Variants in BTD observed in about 807,000 individuals in gnomAD.
BTD encodes the protein biocytinase.
A neutral mutation model predicts 17.7 loss-of-function variants in BTD; 13 were observed. The ratio of observed to expected loss-of-function variants is 0.74; its 90% CI spans 0.48 to 1.17. The LOEUF (loss-of-function observed/expected upper bound fraction) is 1.17, where lower values mean the gene tolerates loss of function less well. BTD is among the 50% of genes most tolerant of loss of function. The pLI is 0.00. For synonymous variants in BTD, 240 were observed against 245.2 expected, an observed-to-expected ratio of 0.98 and a Z score of 0.20; for missense variants, 674 against 650.4, an observed-to-expected ratio of 1.04 and a Z score of -0.39.
chr3:15,670,883 G>A (rs765726443), intron 3 of BTD, among the ~76,000 whole-genome samples: 4 of 152,102 alleles, frequency 2.6e-5, no homozygotes, highest in Non-Finnish European at 4.4e-5. Context: ...ACCACATATC[G>A]TGAATATTCT....
intron 3 of BTD, among the ~76,000 whole-genome samples, chr3:15,667,053 G>T (rs1364781177): frequency 2.0e-5 from 3 of 152,138 alleles, no homozygotes; most frequent in Non-Finnish European, 2.9e-5. Context: ...CAAGTATACA[G>T]CAGGCAAGCA....
At chr3:15,601,668 G>T (rs2279841), upstream of BTD, 1 of 1,553,634 alleles carries the variant, frequency 6.4e-7, no homozygotes, top group African/African-American at 1.4e-5. Flanking sequence ...AAACACGCGC[G>T]TTCTCCAATC....
intron 3 of BTD, among the ~76,000 whole-genome samples, chr3:15,680,378 C>T (rs2067416091): frequency 1.3e-5 from 2 of 151,668 alleles, no homozygotes; most frequent in African/African-American, 2.4e-5. Context: ...TAGCTTTTTT[C>T]GTATTTTTAG....
rs117224659 is a variant in BTD, at chr3:15,674,977, T to C, written c.399+32920T>C. On this transcript the variant is annotated intron_variant, in intron 3 of 3. Transcript: ENST00000672141. ...TGACTATACGGAAATTAAGAGAGAA[T>C]GGAAGAATGAGGCTGGACGCTGTGG... is the stretch of plus-strand genomic sequence containing the variant. Among the ~76,000 whole-genome samples, 616 of 151,958 alleles carry C rather than the reference T, an allele frequency of 4.1e-3. 1 individual carries two copies. Among genetic ancestry groups the C allele is most frequent in the East Asian group, 0.023 (117 of 5,170 alleles).
intron 1 of BTD, among the ~76,000 whole-genome samples, chr3:15,619,262 T>G (rs773929266): frequency 6.6e-6 from 1 of 152,238 alleles, no homozygotes; most frequent in Non-Finnish European, 1.5e-5. Flanking sequence ...GGTATTGTAC[T>G]TCGTCAAATA....
intron 1 of BTD, among the ~76,000 whole-genome samples, chr3:15,626,630 A>T (rs149199310): frequency 1.0e-3 from 153 of 152,232 alleles, no homozygotes; most frequent in Non-Finnish European, 1.6e-3. Flanking sequence ...TTAAAAAATT[A>T]GTCACACATG....
At chr3:15,713,737 A>C (rs1057106964), downstream of BTD, 3 of 645,926 alleles carry the variant, frequency 4.6e-6, no homozygotes, top group Non-Finnish European at 7.6e-6. Flanking sequence ...TCACATACAA[A>C]CTAATAGATA....
Position 15,645,149 on chromosome 3 carries a change from C to T in BTD, c.1233C>T (p.Pro411=). Residue 411 remains proline (P), a synonymous_variant, in exon 4 of 4, where the codon CCC becomes CCT. Transcript: ENST00000643237. Reference sequence around the variant, plus strand: ...GCTGTTATTTACTTTACGAGAGGCCCACCTTATCCAAAGAGCTGTATGCCC... The same window carrying T: ...GCTGTTATTTACTTTACGAGAGGCCTACCTTATCCAAAGAGCTGTATGCCC... ...GLCCYLLYER[P]TLSKELYALG... 2 of 1,614,156 alleles carry T rather than the reference C, an allele frequency of 1.2e-6. No individual in the cohort carries two copies. The highest frequency in any genetic ancestry group is 1.7e-6 in the Non-Finnish European group (2 of 1,180,022).
chr3:15,602,003 G>A, intron 1 of BTD, 109 bp downstream of exon 1: 1 of 1,534,050 alleles, frequency 6.5e-7, no homozygotes, highest in East Asian at 2.3e-5. Flanking sequence ...AAAGGCTGCC[G>A]GGAGCTGGGA....
chr3:15,616,701 G>A, intron 1 of BTD, among the ~76,000 whole-genome samples: 1 of 152,094 alleles, frequency 6.6e-6, no homozygotes, highest in Admixed American at 6.6e-5. Flanking sequence ...TATTCTAATA[G>A]GTGCATAGTG....
intron 4 of BTD, among the ~76,000 whole-genome samples, chr3:15,718,287 A>AG (rs2073305725): frequency 6.6e-6 from 1 of 152,230 alleles, no homozygotes; most frequent in Admixed American, 6.5e-5. Flanking sequence ...GGTGAAGTTA[A>AG]GATGACTTTC....
intron 3 of BTD, among the ~76,000 whole-genome samples, chr3:15,661,284 AAAAAAAAAAG>A (rs2065921089): frequency 8.5e-6 from 1 of 118,124 alleles, no homozygotes. Flanking sequence ...AAAAAAAAAA[AAAAAAAAAAG>A]AAAAAGAAAA....
At chr3:15,673,702 G>A (rs940304310) in intron 3 of BTD, among the ~76,000 whole-genome samples, 11 of 152,266 alleles carry the variant, frequency 7.2e-5, no homozygotes, top group African/African-American at 1.7e-4. Flanking sequence ...AACAGGTGAC[G>A]AATTTAGTCA....
At chr3:15,708,258 G>A (rs896189843) in intron 3 of BTD, among the ~76,000 whole-genome samples, 1 of 152,178 alleles carries the variant, frequency 6.6e-6, no homozygotes, top group East Asian at 1.9e-4. Flanking sequence ...GAACCTTTAA[G>A]TATATGAAAT....
At chr3:15,676,733 G>T (rs1159020943) in intron 3 of BTD, 6 of 345,450 alleles carry the variant, frequency 1.7e-5, no homozygotes, top group Non-Finnish European at 2.7e-5. Context: ...TAGGTAGGTG[G>T]ATTAAGGAAA....
In BTD at chr3:15,619,314, CAT is replaced by C. The variant is rs1413493292; in HGVS notation, c.-16-16109_-16-16108del. On this transcript the variant is annotated intron_variant, in intron 1 of 3. Transcript: ENST00000643237. ...ATTTTTCTGTGTCTATTGATATAAT[CAT>C]GTGATTTTTCTTTTCTTTTTTTGAG... is the stretch of plus-strand genomic sequence containing the variant. Among the ~76,000 whole-genome samples the C allele has an allele frequency of 3.3e-5, 5 of 152,182 alleles. No homozygotes were observed. The East Asian group carries it at 5.8e-4, about 18-fold the overall frequency.
intron 2 of BTD, among the ~76,000 whole-genome samples, chr3:15,639,846 A>T (rs1269459000): frequency 2.0e-5 from 3 of 152,220 alleles, no homozygotes; most frequent in African/African-American, 7.2e-5. Context: ...GCTGTGGCTC[A>T]TGCCTGTAAT....
intron 4 of BTD, among the ~76,000 whole-genome samples, chr3:15,719,790 A>C (rs1342308707): frequency 6.6e-6 from 1 of 152,090 alleles, no homozygotes; most frequent in African/African-American, 2.4e-5. Context: ...CCTGGCCTCA[A>C]GTGATCTTCT....
At chr3:15,632,066 C>T (rs2065225882) in intron 1 of BTD, among the ~76,000 whole-genome samples, 2 of 152,194 alleles carry the variant, frequency 1.3e-5, no homozygotes, top group Non-Finnish European at 2.9e-5. Context: ...GCTCCTGCCT[C>T]AGGCTCTCTG....
Sources: allele counts gnomAD v4.1 joint callset (sites outside exome capture counted in the v4.1 genomes callset), GRCh38; gene constraint gnomAD v4.1.1; transcripts MANE v1.5; gene names NCBI Gene and HGNC (gene_info 2026-07-23, HGNC 2026-07-21).